Variants in KANSL3 observed in about 807,000 individuals in gnomAD.
KANSL3 encodes NSL complex protein NSL3.
A neutral mutation model predicts 89.2 loss-of-function variants in KANSL3; 16 were observed. That is an observed-to-expected ratio of 0.18 (90% CI 0.12 to 0.27). KANSL3 has a LOEUF of 0.27. Among genes scored for constraint, KANSL3 ranks in the 10% least tolerant of loss-of-function variants. KANSL3 has a pLI of 1.00. For missense variants in KANSL3, 879 were observed against 1,110.6 expected (o/e 0.79, Z 2.96); for synonymous variants, 385 against 419.7 (o/e 0.92, Z 1.01).
the KANSL3 span, among the ~76,000 whole-genome samples, chr2:96,585,641 T>C: frequency 3.3e-5 from 5 of 152,240 alleles, no homozygotes; most frequent in African/African-American, 1.2e-4. Context: ...ATAGTCATTA[T>C]ATGAAAAAGT....
chr2:96,614,807 A>G (rs1252205040), intron 5 of KANSL3, among the ~76,000 whole-genome samples: 1 of 151,454 alleles, frequency 6.6e-6, no homozygotes, highest in African/African-American at 2.4e-5. Context: ...GAAAGAAAAA[A>G]AGAAAAAAAT....
rs752305964 is a variant in KANSL3 at position 96,631,505 on chromosome 2, G to A, written c.216-23C>T. 9 of 1,554,072 alleles carry A rather than the reference G, an allele frequency of 5.8e-6. 1 individual carries two copies. The Middle Eastern group carries it at 5.0e-4, about 86-fold the overall frequency. ...TCACTGTAAACAGGTGAGGAAATAG[G>A]ACCGGGCCACACATACTTCACAGGT... On this transcript the variant is annotated intron_variant, in intron 2 of 20. Coordinates refer to ENST00000431828, the MANE Select transcript of KANSL3 (RefSeq NM_001115016.3).
intron 20 of KANSL3, chr2:96,600,467 A>G (rs1434901125): frequency 1.0e-6 from 1 of 985,336 alleles, no homozygotes; most frequent in Non-Finnish European, 1.2e-6. Flanking sequence ...TATGATCCCA[A>G]CGAATGTCAG....
downstream of KANSL3, among the ~76,000 whole-genome samples, chr2:96,591,442 T>C (rs2066272871): frequency 6.6e-6 from 1 of 152,194 alleles, no homozygotes. Flanking sequence ...GACATAGAAC[T>C]ATACACACAC....
chr2:96,638,262 C>T (rs1381820393), intron 1 of KANSL3, 21 bp downstream of exon 1: 1 of 152,400 alleles, frequency 6.6e-6, no homozygotes, highest in African/African-American at 2.4e-5. Flanking sequence ...CCACTCCCCT[C>T]GAAGCCAACG....
At chr2:96,635,093 C>G (rs963289608) in intron 2 of KANSL3, among the ~76,000 whole-genome samples, 1 of 152,198 alleles carries the variant, frequency 6.6e-6, no homozygotes, top group African/African-American at 2.4e-5. Flanking sequence ...CCATCTCAGT[C>G]CATTGCAGTG....
chr2:96,586,912 T>G, the KANSL3 span, among the ~76,000 whole-genome samples: 1 of 152,254 alleles, frequency 6.6e-6, no homozygotes, highest in South Asian at 2.1e-4. Context: ...TTACCTTGTT[T>G]TAGCTATTAT....
At chr2:96,592,961 C>T (rs916894831), downstream of KANSL3, among the ~76,000 whole-genome samples, 1 of 151,950 alleles carries the variant, frequency 6.6e-6, no homozygotes. Context: ...CAAGATCGCG[C>T]CATTGCACTC....
chr2:96,626,587 T>C (rs1163855683), intron 3 of KANSL3, among the ~76,000 whole-genome samples: 4 of 152,320 alleles, frequency 2.6e-5, no homozygotes, highest in Non-Finnish European at 5.9e-5. Flanking sequence ...ATGTTGGAAA[T>C]GTCCTAAAAT....
Position 96,604,304 on chromosome 2 carries a change from A to G in KANSL3, c.2095T>C (p.Leu699=), listed in dbSNP as rs758509890. 8 of 1,613,358 alleles carry G rather than the reference A, an allele frequency of 5.0e-6. No individual in the cohort carries two copies. Among genetic ancestry groups the G allele is most frequent in the Non-Finnish European group, 6.8e-6 (8 of 1,179,808 alleles). The stretch of plus-strand genomic sequence containing the variant: ...ACCAGGCGGCTCTGCAGTGTGTGCA[A>G]GGCACTGGGTGCAGTGCTGCTGGAG... ...VVSSSTAPSA[L]HTLQSRLVAT... is the part of the protein sequence containing the mutation. The change falls in exon 17 of 21, where the codon TTG becomes CTG. Residue 699 remains leucine (L), a synonymous_variant. Coordinates refer to ENST00000431828, the MANE Select transcript of KANSL3 (RefSeq NM_001115016.3).
chr2:96,631,057 T>C (rs943266167), intron 3 of KANSL3, among the ~76,000 whole-genome samples: 4 of 152,240 alleles, frequency 2.6e-5, no homozygotes, highest in African/African-American at 9.6e-5. Context: ...CACTTATTTA[T>C]TCAACAAACA....
chr2:96,595,966 G>A (rs1179886425), intron 20 of KANSL3, among the ~76,000 whole-genome samples: 1 of 152,188 alleles, frequency 6.6e-6, no homozygotes, highest in Non-Finnish European at 1.5e-5. Context: ...AAGCTCCTGA[G>A]TTTAATCTGT....
intron 5 of KANSL3, among the ~76,000 whole-genome samples, chr2:96,615,781 G>T (rs951183694): frequency 6.6e-6 from 1 of 152,158 alleles, no homozygotes; most frequent in African/African-American, 2.4e-5. Context: ...AGAAATATTC[G>T]TGCAACTGCT....
chr2:96,615,165 C>CAAAACAAAAAAAAAAAAAAAAAA (rs2069776042), intron 5 of KANSL3: 1 of 83,044 alleles, frequency 1.2e-5, no homozygotes, highest in Admixed American at 1.5e-4. Context: ...GAGACTGTCT[C>CAAAACAAAAAAAAAAAAAAAAAA]AAAAAAAAAA....
In KANSL3 at chr2:96,605,435, C is replaced by T. The variant is rs752703316; in HGVS notation, c.1818G>A (p.Ser606=). The change falls in exon 15 of 21, where the codon TCG becomes TCA. Residue 606 remains serine (S), a synonymous_variant. Coordinates refer to ENST00000431828, the MANE Select transcript of KANSL3 (RefSeq NM_001115016.3). ...LRVQLKRHHP[S]SPLPGSKTSK... ...AGGTCTTACTGCCAGGAAGGGGACT[C>T]GAGGGATGGTGTCGCTTCAGCTGAA... 6 of 1,613,822 alleles carry T rather than the reference C, an allele frequency of 3.7e-6. No individual in the cohort carries two copies. The highest frequency in any genetic ancestry group is 2.2e-5 in the East Asian group (1 of 44,896).
chr2:96,589,539 A>G (rs1385277646), downstream of KANSL3, among the ~76,000 whole-genome samples: 1 of 152,234 alleles, frequency 6.6e-6, no homozygotes, highest in Non-Finnish European at 1.5e-5. Flanking sequence ...ACAGAACTGA[A>G]AAATATGTGT....
intron 5 of KANSL3, chr2:96,615,420 G>GT: frequency 1.2e-6 from 1 of 825,858 alleles, no homozygotes; most frequent in Non-Finnish European, 1.7e-6. Flanking sequence ...TCTCATGTCT[G>GT]TTTTTTACTA....
intron 20 of KANSL3, among the ~76,000 whole-genome samples, chr2:96,599,312 G>C (rs2066864041): frequency 6.6e-6 from 1 of 152,216 alleles, no homozygotes; most frequent in Non-Finnish European, 1.5e-5. Context: ...AATATGGGAT[G>C]ACAGAAAAGT....
chr2:96,607,397 C>A (rs1172936561), intron 14 of KANSL3, among the ~76,000 whole-genome samples: 1 of 152,184 alleles, frequency 6.6e-6, no homozygotes, highest in African/African-American at 2.4e-5. Flanking sequence ...CCCCATGACA[C>A]CCTAGATCCC....
Sources: gnomAD v4.1 joint callset for allele counts (sites outside exome capture counted in the v4.1 genomes callset) on GRCh38, gnomAD v4.1.1 for gene constraint, MANE v1.5 for transcripts, NCBI Gene and HGNC (gene_info 2026-07-23, HGNC 2026-07-21) for gene names.